Variants in EXOC7 observed in about 807,000 individuals in gnomAD.
EXOC7 encodes exocyst complex component Exo70.
EXOC7 carries 51 observed loss-of-function variants against 87.6 expected under a neutral mutation model. The ratio of observed to expected loss-of-function variants is 0.58; its 90% CI spans 0.46 to 0.73. EXOC7 has a LOEUF of 0.73. EXOC7 is among the 30% of genes least tolerant of loss of function. The probability of loss-of-function intolerance (pLI) is 0.00; values close to 1 mark genes in which losing one functional copy is unlikely to be tolerated. For missense variants in EXOC7, 744 were observed against 888.4 expected, an observed-to-expected ratio of 0.84 and a Z score of 2.07; for synonymous variants, 327 against 357.1, an observed-to-expected ratio of 0.92 and a Z score of 0.95.
At chr17:76,089,042 G>T in intron 8 of EXOC7, 119 bp from the exon 9 acceptor site, 1 of 1,473,160 alleles carries the variant, frequency 6.8e-7, no homozygotes, top group Non-Finnish European at 9.3e-7. Context: ...GTGACGGGGA[G>T]GTGGTGAGCG....
intron 5 of EXOC7, 28 bp from the exon 6 acceptor site, chr17:76,094,609 C>G (rs367910926): frequency 6.3e-7 from 1 of 1,596,730 alleles, no homozygotes; most frequent in Non-Finnish European, 8.5e-7. Flanking sequence ...GATAGAGGTA[C>G]GGCTGCCAGG....
chr17:76,103,611 G>C (rs2068189292), intron 1 of EXOC7, 22 bp downstream of exon 1: 1 of 1,610,566 alleles, frequency 6.2e-7, no homozygotes, highest in Non-Finnish European at 8.5e-7. Context: ...CTCCTCCCCA[G>C]CCTCCCCAGG....
In EXOC7 at chr17:76,103,733, T is replaced by G; in HGVS notation, c.-41A>C. 6.4e-7 allele frequency: 1 copy of G among 1,563,742 alleles called. No individual in the cohort carries two copies. The highest frequency in any genetic ancestry group is 1.2e-5 in the South Asian group (1 of 85,148). On this transcript the variant is annotated 5_prime_UTR_variant, in exon 1 of 19. Transcript: ENST00000589210. ...GGCTCCCACTCCCCAGTATCTTTCC[T>G]CCGCGGGCCCACCGGGCCCCCGTCC... is the stretch of plus-strand genomic sequence containing the variant.
rs750282140 is a variant in EXOC7, at chr17:76,081,282, G to GGAGTTA, written c.*2360_*2365dup. On this transcript the variant is annotated 3_prime_UTR_variant, in exon 19 of 19. Coordinates refer to ENST00000589210, the MANE Select transcript of EXOC7 (RefSeq NM_001013839.4). ...GTTCTCATTCCCACCCCTCAGCGAT[G>GGAGTTA]GAGTTAGAGTTCCAGGCCCACGTGG... The GGAGTTA allele has an allele frequency of 1.9e-6, 3 of 1,613,706 alleles. No homozygotes were observed. In the African/African-American group the frequency reaches 4.0e-5, roughly 22 times the overall value.
rs760032798 is a variant in EXOC7 at position 76,081,746 on chromosome 17, C to A, written c.*1902G>T. On this transcript the variant is annotated 3_prime_UTR_variant, in exon 19 of 19. Transcript: ENST00000589210. ...CCTGCCCAGCTCCTCCTCCTGCAAC[C>A]CACTGCTCAGTAAGCCCTGCTCCCT... is the stretch of plus-strand genomic sequence containing the variant. The A allele has an allele frequency of 3.7e-6, 6 of 1,614,032 alleles. No individual in the cohort carries two copies. The highest frequency in any genetic ancestry group is 3.3e-4 in the Middle Eastern group (2 of 6,062).
Position 76,082,458 on chromosome 17 carries a change from C to A in EXOC7, c.*1190G>T, listed in dbSNP as rs751669820. 2.5e-6 allele frequency: 4 copies of A among 1,603,166 alleles called. No homozygotes were observed. Among genetic ancestry groups the A allele is most frequent in the South Asian group, 1.1e-5 (1 of 89,672 alleles). On this transcript the variant is annotated 3_prime_UTR_variant, in exon 19 of 19. Coordinates refer to ENST00000589210, the MANE Select transcript of EXOC7 (RefSeq NM_001013839.4). ...CAGCTCCTTTCCCTGTATCTCTCCC[C>A]ACAGAGCCCTCCAGAGGAGTAAAGG...
intron 15 of EXOC7, 84 bp downstream of exon 15, chr17:76,085,230 A>T: frequency 8.7e-7 from 1 of 1,151,810 alleles, no homozygotes; most frequent in Non-Finnish European, 1.3e-6. Flanking sequence ...CCCGTGACCG[A>T]CTCTGTGTCC....
chr17:76,097,061 A>G (rs994263450), intron 5 of EXOC7, among the ~76,000 whole-genome samples: 1 of 152,114 alleles, frequency 6.6e-6, no homozygotes. Context: ...CATGTTGGCC[A>G]GGTCTCGAAC....
chr17:76,091,279 A>C (rs1365826979), intron 6 of EXOC7, 44 bp from the exon 7 acceptor site: 1 of 1,567,106 alleles, frequency 6.4e-7, no homozygotes, highest in Admixed American at 1.7e-5. Context: ...AGACCTAGGA[A>C]ATGAGTGAGA....
chr17:76,084,231 A>G lies in EXOC7; in HGVS notation c.1818+17T>C, dbSNP rs772565117. The stretch of plus-strand genomic sequence containing the variant: ...ACAGCAGCAGCAAGCAGTGGAGGGG[A>G]GAGGACCCCGACTCACCTTAAAACG... On this transcript the variant is annotated intron_variant, in intron 17 of 18. Coordinates refer to ENST00000589210, the MANE Select transcript of EXOC7 (RefSeq NM_001013839.4). The G allele has an allele frequency of 6.2e-7, 1 of 1,610,006 alleles. No individual in the cohort carries two copies. Among genetic ancestry groups the G allele is most frequent in the African/African-American group, 1.3e-5 (1 of 74,852 alleles).
intron 6 of EXOC7, chr17:76,093,619 T>G (rs973473592): frequency 2.0e-5 from 3 of 152,354 alleles, no homozygotes; most frequent in Non-Finnish European, 4.4e-5. Flanking sequence ...TCTCCAGCTT[T>G]CTTTTTCAGT....
At chr17:76,095,179 T>G (rs2067689869) in intron 5 of EXOC7, among the ~76,000 whole-genome samples, 1 of 151,268 alleles carries the variant, frequency 6.6e-6, no homozygotes, top group African/African-American at 2.4e-5. Flanking sequence ...CCAGGCTGGT[T>G]TTGAACTCCT....
chr17:76,085,498 G>T, intron 14 of EXOC7, 89 bp from the exon 15 acceptor site: 1 of 1,502,378 alleles, frequency 6.7e-7, no homozygotes, highest in Non-Finnish European at 9.1e-7. Context: ...GCCTCCCATT[G>T]CACCCCAAAC....
At chr17:76,103,187 TG>T in intron 2 of EXOC7, 173 bp downstream of exon 2, 1 of 627,390 alleles carries the variant, frequency 1.6e-6, no homozygotes, top group Non-Finnish European at 2.8e-6. Context: ...GTACGGAACA[TG>T]GGGAGGGGGC....
intron 11 of EXOC7, 107 bp downstream of exon 11, chr17:76,087,953 G>A (rs1002556421): frequency 2.4e-5 from 31 of 1,318,110 alleles, no homozygotes; most frequent in East Asian, 2.3e-4. Flanking sequence ...AGGTGCGAGC[G>A]GCTCTGGGCC....
In EXOC7 at chr17:76,085,965, A is replaced by G. The variant is rs2144600726; in HGVS notation, c.1495+115T>C. ...TAGAGGTCAGGTTGTGGTTCCAAAG[A>G]TCAGATGGCACTTAGGAGAGGGCCC... is the stretch of plus-strand genomic sequence containing the variant. On this transcript the variant is annotated intron_variant, in intron 13 of 18. Coordinates refer to ENST00000589210, the MANE Select transcript of EXOC7 (RefSeq NM_001013839.4). 7.9e-6 allele frequency: 12 copies of G among 1,509,660 alleles called. No individual in the cohort carries two copies. The South Asian group carries it at 1.4e-4, about 18-fold the overall frequency. The allele number at this position is 1,509,660 out of a possible 1,614,324, so 93.5% of individuals were successfully genotyped here. A position where few individuals can be genotyped will look rare whatever the true frequency, so the allele number is the denominator to read the frequency against.
At position 76,090,362 on chromosome 17, in the gene EXOC7, C is replaced by T. The variant is rs936568376; in HGVS notation, c.901+781G>A. 35 of 1,551,562 alleles carry T rather than the reference C, an allele frequency of 2.3e-5. No individual in the cohort carries two copies. The Admixed American group carries it at 2.5e-4, about 11-fold the overall frequency. On this transcript the variant is annotated intron_variant, in intron 7 of 18. Transcript: ENST00000589210. The stretch of plus-strand genomic sequence containing the variant: ...GGCCCGTGCTTGTCGTTCAAGGCCT[C>T]GGACAGGTGCTTAACTCGGAAATCA...
Position 76,082,075 on chromosome 17 carries a change from A to G in EXOC7, c.*1573T>C. On this transcript the variant is annotated 3_prime_UTR_variant, in exon 19 of 19. Coordinates refer to ENST00000589210, the MANE Select transcript of EXOC7 (RefSeq NM_001013839.4). ...GTGGGCAGGGGCTGGGGGGTAAGGA[A>G]TGAGGCCTAGGTGCACACCTAGGGC... The G allele has an allele frequency of 6.3e-7, 1 of 1,577,690 alleles. No homozygotes were observed. Among genetic ancestry groups the G allele is most frequent in the Non-Finnish European group, 8.6e-7 (1 of 1,163,706 alleles).
At chr17:76,085,574 CCT>C (rs1412319751) in intron 14 of EXOC7, 101 bp downstream of exon 14, 10 of 1,574,768 alleles carry the variant, frequency 6.4e-6, no homozygotes, top group African/African-American at 5.4e-5. Flanking sequence ...CACCCCCTCC[CCT>C]CTCGTCCACA....
Sources: allele counts gnomAD v4.1 joint callset (sites outside exome capture counted in the v4.1 genomes callset), GRCh38; gene constraint gnomAD v4.1.1; transcripts MANE v1.5; gene names NCBI Gene and HGNC (gene_info 2026-07-23, HGNC 2026-07-21).